B4GALT1: variants seen among roughly 807,000 people sequenced by gnomAD.
B4GALT1 encodes the protein beta-1,4-galactosyltransferase 1.
Under a neutral mutation model 34.9 loss-of-function variants are expected in B4GALT1, and 16 were observed. That is an observed-to-expected ratio of 0.46 (90% CI 0.31 to 0.70). The LOEUF is 0.70. B4GALT1 is among the 30% of genes least tolerant of loss of function. B4GALT1 has a pLI of 0.05. For synonymous variants in B4GALT1, 221 were observed against 218.1 expected, an observed-to-expected ratio of 1.01 and a Z score of -0.12; for missense variants, 445 against 530.5, an observed-to-expected ratio of 0.84 and a Z score of 1.58.
At chr9:33,127,368 T>C (rs2118105905) in intron 2 of B4GALT1, among the ~76,000 whole-genome samples, 1 of 152,336 alleles carries the variant, frequency 6.6e-6, no homozygotes, top group African/African-American at 2.4e-5. Context: ...CGCAGATATA[T>C]CAAGACAGTG....
intron 3 of B4GALT1, among the ~76,000 whole-genome samples, chr9:33,119,557 A>C (rs1375968848): frequency 1.3e-5 from 2 of 152,214 alleles, no homozygotes; most frequent in Non-Finnish European, 2.9e-5. Context: ...TCTCCACTAA[A>C]AATAAAAAAT....
At chr9:33,157,120 C>CAACACACACACACACACACACA in intron 1 of B4GALT1, among the ~76,000 whole-genome samples, 1 of 30,932 alleles carries the variant, frequency 3.2e-5, no homozygotes, top group South Asian at 1.3e-3. Context: ...GCATAGGGAA[C>CAACACACACACACACACACACA]TACACACACA....
At chr9:33,155,587 T>C (rs1353703908) in intron 1 of B4GALT1, among the ~76,000 whole-genome samples, 1 of 152,168 alleles carries the variant, frequency 6.6e-6, no homozygotes, top group Non-Finnish European at 1.5e-5. Context: ...ACACTCCAAG[T>C]TTCCAGTGCT....
At chr9:33,118,398 G>GC (rs1839970961) in intron 3 of B4GALT1, among the ~76,000 whole-genome samples, 1 of 152,140 alleles carries the variant, frequency 6.6e-6, no homozygotes, top group South Asian at 2.1e-4. Context: ...AGTAGTTCAT[G>GC]CCTGTCATCC....
At chr9:33,182,033 A>T in the B4GALT1 span, among the ~76,000 whole-genome samples, 1 of 149,954 alleles carries the variant, frequency 6.7e-6, no homozygotes, top group South Asian at 2.1e-4. Flanking sequence ...GGCATATGCC[A>T]CCATGCCCAG....
intron 1 of B4GALT1, among the ~76,000 whole-genome samples, chr9:33,160,682 G>A (rs528997793): frequency 3.0e-4 from 46 of 152,148 alleles, no homozygotes; most frequent in African/African-American, 1.1e-3. Flanking sequence ...TGGGAGAATC[G>A]CTTAGCCCGA....
chr9:33,137,066 C>G (rs1409562251), intron 1 of B4GALT1, among the ~76,000 whole-genome samples: 3 of 152,184 alleles, frequency 2.0e-5, no homozygotes, highest in African/African-American at 7.2e-5. Context: ...AGGACCTGTT[C>G]CCATTAGTTT....
the B4GALT1 span, among the ~76,000 whole-genome samples, chr9:33,177,986 CT>C: frequency 1.7e-3 from 178 of 107,446 alleles, no homozygotes; most frequent in Non-Finnish European, 2.3e-3. Flanking sequence ...AAACAGAAGA[CT>C]TTTTTTTTTT....
At chr9:33,126,671 G>GTTAACCATTGTTAACATTGTTAA (rs1840113963) in intron 2 of B4GALT1, among the ~76,000 whole-genome samples, 1 of 28,472 alleles carries the variant, frequency 3.5e-5, no homozygotes, top group Non-Finnish European at 1.2e-4. Flanking sequence ...CAATATGGTA[G>GTTAACCATTGTTAACATTGTTAA]CTCAGAGCTC....
At chr9:33,106,981 G>A (rs887850264), downstream of B4GALT1, among the ~76,000 whole-genome samples, 2 of 152,056 alleles carry the variant, frequency 1.3e-5, no homozygotes, top group African/African-American at 2.4e-5. Flanking sequence ...CAAATACACC[G>A]TGATATCATT....
intron 2 of B4GALT1, among the ~76,000 whole-genome samples, chr9:33,127,292 G>A (rs989093035): frequency 6.6e-6 from 1 of 152,204 alleles, no homozygotes; most frequent in African/African-American, 2.4e-5. Flanking sequence ...CCAGCTCCAA[G>A]GAGCCAGCGC....
chr9:33,167,518 T>A (rs972226733), upstream of B4GALT1, among the ~76,000 whole-genome samples: 5 of 151,790 alleles, frequency 3.3e-5, no homozygotes, highest in African/African-American at 1.2e-4. Flanking sequence ...CGTCGTGGGG[T>A]CCCCGGAGTA....
At position 33,133,043 on chromosome 9, in the gene B4GALT1, C is replaced by T. The variant is rs142944216; in HGVS notation, c.648+2146G>A. On this transcript the variant is annotated intron_variant, in intron 2 of 5. Coordinates refer to ENST00000379731, the MANE Select transcript of B4GALT1 (RefSeq NM_001497.4). The stretch of plus-strand genomic sequence containing the variant: ...TCAGCCTCCCGAGTAGCTGGGATTA[C>T]AGCCGCCCACCACTATGTCCAGCTA... Among the ~76,000 whole-genome samples the T allele has an allele frequency of 6.0e-3, 910 of 152,250 alleles. 11 individuals carry two copies. The highest frequency in any genetic ancestry group is 0.02 in the African/African-American group (846 of 41,546).
In B4GALT1 at chr9:33,135,378, G is replaced by A. The variant is rs756049904; in HGVS notation, c.459C>T (p.Leu153=). 41 of 1,614,042 alleles carry A rather than the reference G, an allele frequency of 2.5e-5. No homozygotes were observed. The highest frequency in any genetic ancestry group is 4.0e-5 in the African/African-American group (3 of 74,928). Residue 153 remains leucine, a synonymous_variant, in exon 2 of 6, where the codon CTC becomes CTT. Coordinates refer to ENST00000379731, the MANE Select transcript of B4GALT1 (RefSeq NM_001497.4). ...IEFNMPVDLE[L]VAKQNPNVKM... The stretch of plus-strand genomic sequence containing the variant: ...TCACATTTGGGTTCTGCTTTGCCAC[G>A]AGCTCCAGGTCCACAGGCATGTTAA...
intron 1 of B4GALT1, among the ~76,000 whole-genome samples, chr9:33,148,216 A>G (rs1238833867): frequency 6.6e-6 from 1 of 152,230 alleles, no homozygotes; most frequent in African/African-American, 2.4e-5. Context: ...TTTACCTAAG[A>G]GGAATCCCAA....
At position 33,152,356 on chromosome 9, in the gene B4GALT1, TAACATAACATAACAA is replaced by T. The variant is rs1360937202; in HGVS notation, c.412+14387_412+14401del. On this transcript the variant is annotated intron_variant, in intron 1 of 5. Transcript: ENST00000379731. Reference sequence around the variant, plus strand: ...TAACATAACATAACATAACATAACATAACATAACATAACAACTTCTACATAGCTAAAGAAACCAGA... The same window carrying T: ...TAACATAACATAACATAACATAACATCTTCTACATAGCTAAAGAAACCAGA... 7.5e-4 allele frequency among the ~76,000 whole-genome samples: 92 copies of T among 122,576 alleles called. 2 individuals are homozygous for T. In the South Asian group the frequency reaches 0.015, roughly 20 times the overall value. The allele number at this position is 122,576 out of a possible 152,430, so 80.4% of individuals were successfully genotyped here.
At chr9:33,160,375 G>A (rs555130861) in intron 1 of B4GALT1, among the ~76,000 whole-genome samples, 19 of 152,278 alleles carry the variant, frequency 1.2e-4, no homozygotes, top group African/African-American at 4.6e-4. Flanking sequence ...ATTTTTAAAG[G>A]TATAGGGTCA....
At chr9:33,148,301 C>T (rs1840458370) in intron 1 of B4GALT1, among the ~76,000 whole-genome samples, 1 of 152,106 alleles carries the variant, frequency 6.6e-6, no homozygotes, top group Admixed American at 6.6e-5. Flanking sequence ...AAAGAGTTAT[C>T]CTAGCACATC....
chr9:33,133,402 C>A (rs903292466), intron 2 of B4GALT1, among the ~76,000 whole-genome samples: 1 of 152,180 alleles, frequency 6.6e-6, no homozygotes, highest in East Asian at 1.9e-4. Context: ...TATTAGTCAT[C>A]CCTGCTGGCT....
Sources: allele counts gnomAD v4.1 joint callset (sites outside exome capture counted in the v4.1 genomes callset), GRCh38; gene constraint gnomAD v4.1.1; transcripts MANE v1.5; gene names NCBI Gene and HGNC (gene_info 2026-07-23, HGNC 2026-07-21).